Variants in FSHR observed in about 807,000 individuals in gnomAD.
The protein encoded by FSHR is follicle stimulating hormone receptor.
Under a neutral mutation model 52.1 loss-of-function variants are expected in FSHR, and 46 were observed. The observed-to-expected ratio is 0.88, with a 90% CI of 0.70 to 1.13. The LOEUF is 1.13. Ranked by LOEUF, FSHR falls within the 50% of genes most tolerant of loss-of-function variation. The pLI is 0.00. For synonymous variants in FSHR, 399 were observed against 309.6 expected (o/e 1.29, Z -3.03); for missense variants, 964 against 834.6 (o/e 1.16, Z -1.91).
At chr2:48,999,233 G>T (rs927189320) in intron 4 of FSHR, among the ~76,000 whole-genome samples, 1 of 151,520 alleles carries the variant, frequency 6.6e-6, no homozygotes, top group East Asian at 1.9e-4. Flanking sequence ...ACCAGGTACC[G>T]CACCAAGCAC....
chr2:49,153,573 G>A (rs1673137027), intron 1 of FSHR, among the ~76,000 whole-genome samples: 1 of 152,196 alleles, frequency 6.6e-6, no homozygotes, highest in Non-Finnish European at 1.5e-5. Flanking sequence ...GAAAGAGAGA[G>A]TAGGATGGTG....
intron 5 of FSHR, among the ~76,000 whole-genome samples, chr2:48,989,957 T>A (rs1456615045): frequency 6.6e-6 from 1 of 152,180 alleles, no homozygotes; most frequent in Non-Finnish European, 1.5e-5. Context: ...TTTCATATTT[T>A]CCTCTTTCTC....
In FSHR at chr2:49,013,499, T is replaced by TAAATATATATATATATAAATATATATAA. The variant is rs1667363824; in HGVS notation, c.374+3962_374+3989dup. Among the ~76,000 whole-genome samples the TAAATATATATATATATAAATATATATAA allele has an allele frequency of 6.1e-5, 4 of 65,470 alleles. No individual in the cohort carries two copies. In the South Asian group the frequency reaches 1.7e-3, roughly 28 times the overall value. 43.0% of individuals were successfully genotyped at this position (65,470 alleles called of 152,430 possible). On this transcript the variant is annotated intron_variant, in intron 4 of 9. Coordinates refer to ENST00000406846, the MANE Select transcript of FSHR (RefSeq NM_000145.4). ...ATATATAAATAAATATATATATATA[T>TAAATATATATATATATAAATATATATAA]AAATATATATATATATAAATATATA...
intron 8 of FSHR, among the ~76,000 whole-genome samples, chr2:48,972,118 T>C (rs879535419): frequency 1.3e-5 from 2 of 152,186 alleles, no homozygotes; most frequent in African/African-American, 4.8e-5. Context: ...AGACTTTGAA[T>C]AATAAAAATG....
intron 1 of FSHR, among the ~76,000 whole-genome samples, chr2:49,149,941 A>C (rs1452499809): frequency 6.6e-6 from 1 of 152,072 alleles, no homozygotes; most frequent in African/African-American, 2.4e-5. Flanking sequence ...ATGACCATCA[A>C]TAGACCCTTT....
intron 4 of FSHR, among the ~76,000 whole-genome samples, chr2:49,002,685 C>T (rs1007167354): frequency 3.9e-5 from 6 of 152,044 alleles, no homozygotes; most frequent in Non-Finnish European, 5.9e-5. Context: ...CCCATGAAGT[C>T]CCTCCCCAAC....
At chr2:48,975,788 T>G (rs1317736755) in intron 8 of FSHR, among the ~76,000 whole-genome samples, 2 of 152,212 alleles carry the variant, frequency 1.3e-5, no homozygotes, top group Non-Finnish European at 2.9e-5. Context: ...GCCCTCTGTT[T>G]GTCTATTATT....
At chr2:49,150,238 C>T (rs1250795286) in intron 1 of FSHR, among the ~76,000 whole-genome samples, 1 of 152,014 alleles carries the variant, frequency 6.6e-6, no homozygotes, top group Admixed American at 6.6e-5. Flanking sequence ...CGTTAAGGGA[C>T]ACATTTTCTT....
intron 1 of FSHR, among the ~76,000 whole-genome samples, chr2:49,106,789 C>G (rs1671239416): frequency 6.6e-6 from 1 of 152,084 alleles, no homozygotes; most frequent in Non-Finnish European, 1.5e-5. Flanking sequence ...CCAGAGCTTC[C>G]TAACCCCTGT....
In FSHR at chr2:48,963,309, G is replaced by A. The variant is rs1478783760; in HGVS notation, c.1512C>T (p.Pro504=). The change falls in exon 10 of 10, where the codon CCC becomes CCT. Residue 504 remains proline, a synonymous_variant. Transcript: ENST00000406846. ...TCATGTAGCTGCTGATGCCAAAGAT[G>A]GGAAAGAGGGCAGCTGCAAAAGCAA... is the stretch of plus-strand genomic sequence containing the variant. ...WIFAFAAALF[P]IFGISSYMKV... is the part of the protein sequence containing the mutation. 2 of 1,613,926 alleles carry A rather than the reference G, an allele frequency of 1.2e-6. No homozygotes were observed. The highest frequency in any genetic ancestry group is 1.7e-6 in the Non-Finnish European group (2 of 1,179,994).
At position 48,996,678 on chromosome 2, in the gene FSHR, T is replaced by C. The variant is rs141966702; in HGVS notation, c.375-6041A>G. On this transcript the variant is annotated intron_variant, in intron 4 of 9. Transcript: ENST00000406846. ...TGCAAAGGACACTTGATTTTCAGCA[T>C]GACAGCTGAAACGAGGTGGCAGAAT... Among the ~76,000 whole-genome samples the C allele has an allele frequency of 1.5e-3, 234 of 152,234 alleles. 2 individuals carry two copies. The highest frequency in any genetic ancestry group is 5.2e-3 in the African/African-American group (216 of 41,560).
intron 2 of FSHR, among the ~76,000 whole-genome samples, chr2:49,028,557 A>G (rs1161225361): frequency 1.3e-5 from 2 of 152,248 alleles, no homozygotes; most frequent in African/African-American, 2.4e-5. Context: ...ATAGATTGCT[A>G]ACTGTCCTCA....
At chr2:49,128,909 G>A (rs1672161854) in intron 1 of FSHR, among the ~76,000 whole-genome samples, 1 of 152,072 alleles carries the variant, frequency 6.6e-6, no homozygotes, top group African/African-American at 2.4e-5. Context: ...TTTTCAGAAG[G>A]TAGAAAACAG....
At chr2:49,121,495 A>G (rs1356488306) in intron 1 of FSHR, among the ~76,000 whole-genome samples, 1 of 152,008 alleles carries the variant, frequency 6.6e-6, no homozygotes, top group African/African-American at 2.4e-5. Context: ...GCATCTCTAG[A>G]GTTGAAAGCA....
chr2:49,095,466 A>T (rs1345175535), intron 1 of FSHR, among the ~76,000 whole-genome samples: 1 of 152,206 alleles, frequency 6.6e-6, no homozygotes, highest in Non-Finnish European at 1.5e-5. Flanking sequence ...ATCGTTTGTA[A>T]ATATTAACTC....
At chr2:49,083,102 C>T (rs915328357) in intron 1 of FSHR, among the ~76,000 whole-genome samples, 9 of 151,498 alleles carry the variant, frequency 5.9e-5, no homozygotes, top group East Asian at 3.9e-4. Flanking sequence ...AGAGAAAGGT[C>T]GGGTTACCCT....
At chr2:49,008,360 C>A (rs954753849) in intron 4 of FSHR, among the ~76,000 whole-genome samples, 15 of 147,282 alleles carry the variant, frequency 1.0e-4, no homozygotes, top group East Asian at 2.0e-4. Context: ...ATGAACTCAT[C>A]ATTTTTTATG....
intron 1 of FSHR, among the ~76,000 whole-genome samples, chr2:49,120,897 A>G (rs1453352227): frequency 1.3e-5 from 2 of 152,214 alleles, no homozygotes; most frequent in African/African-American, 4.8e-5. Context: ...GGTTGAACAA[A>G]TATTAGAATA....
intron 2 of FSHR, among the ~76,000 whole-genome samples, chr2:49,021,387 A>G (rs1056214128): frequency 7.9e-5 from 12 of 152,200 alleles, no homozygotes; most frequent in Admixed American, 2.6e-4. Context: ...AGGCCTCCTG[A>G]GGAAGACTCT....
Sources: gnomAD v4.1 joint callset for allele counts (sites outside exome capture counted in the v4.1 genomes callset) on GRCh38, gnomAD v4.1.1 for gene constraint, MANE v1.5 for transcripts, NCBI Gene and HGNC (gene_info 2026-07-23, HGNC 2026-07-21) for gene names.